The following DEK variants were observed in gnomAD, a reference collection of about 807,000 sequenced individuals.
DEK encodes DEK proto-oncogene, also known as protein DEK.
DEK carries 28 observed loss-of-function variants against 46.8 expected under a neutral mutation model. The observed-to-expected ratio is 0.60, with a 90% CI of 0.44 to 0.82. DEK has a LOEUF of 0.82. DEK is among the 40% of genes least tolerant of loss of function. The pLI, the probability that DEK is intolerant of heterozygous loss-of-function variation, is 0.00. For missense variants in DEK, 416 were observed against 430.6 expected, an observed-to-expected ratio of 0.97 and a Z score of 0.30; for synonymous variants, 160 against 144.5, an observed-to-expected ratio of 1.11 and a Z score of -0.77.
intron 9 of DEK, among the ~76,000 whole-genome samples, chr6:18,233,539 A>G (rs1790503082): frequency 6.6e-6 from 1 of 152,240 alleles, no homozygotes; most frequent in Admixed American, 6.5e-5. Context: ...TGGGCAAAGG[A>G]TATGAACAGA....
rs111391600 is a variant in DEK at position 18,238,924 on chromosome 6, G to GT, written c.763-1409dup. Among the ~76,000 whole-genome samples the GT allele has an allele frequency of 3.1e-3, 457 of 147,064 alleles. 1 individual carries two copies. Among genetic ancestry groups the GT allele is most frequent in the South Asian group, 5.3e-3 (25 of 4,682 alleles). ...CTGAGAGTTATCCTAAAGCAACCTG[G>GT]TTTTTTTTTTTGAGATGGAGTCTCG... On this transcript the variant is annotated intron_variant, in intron 7 of 10. Coordinates refer to ENST00000652689, the MANE Select transcript of DEK (RefSeq NM_003472.4).
Position 18,252,509 on chromosome 6 carries a change from CAAAAAAAAAAAA to C in DEK, c.574-2682_574-2671del, listed in dbSNP as rs61626818. Among the ~76,000 whole-genome samples, 82 of 29,138 alleles carry C rather than the reference CAAAAAAAAAAAA, an allele frequency of 2.8e-3. 1 individual carries two copies. The highest frequency in any genetic ancestry group is 6.2e-3 in the African/African-American group (53 of 8,602). 19.1% of individuals were successfully genotyped at this position (29,138 alleles called of 152,430 possible). On this transcript the variant is annotated intron_variant, in intron 6 of 10. Transcript: ENST00000652689. ...AGGCAACAGAGTAAAACGCTGTCTCCAAAAAAAAAAAAAAAAAAAAAAAAAAGAAAATAGCCT... is the reference window on the plus strand; with the variant it reads ...AGGCAACAGAGTAAAACGCTGTCTCCAAAAAAAAAAAAAAGAAAATAGCCT...
intron 7 of DEK, 42 bp from the exon 8 acceptor site, chr6:18,237,558 C>T (rs911511828): frequency 1.3e-6 from 2 of 1,568,458 alleles, no homozygotes; most frequent in African/African-American, 1.4e-5. Flanking sequence ...TGATGAGATT[C>T]AATGCTATCC....
chr6:18,228,756 C>T (rs1790254811), intron 9 of DEK, among the ~76,000 whole-genome samples: 1 of 152,230 alleles, frequency 6.6e-6, no homozygotes. Context: ...AGTCCCACGC[C>T]CACGGAGCCT....
At chr6:18,231,658 T>C (rs1790418392) in intron 9 of DEK, among the ~76,000 whole-genome samples, 1 of 152,140 alleles carries the variant, frequency 6.6e-6, no homozygotes, top group Admixed American at 6.5e-5. Context: ...CTCCCAAGAC[T>C]AAACCAGGAA....
intron 7 of DEK, among the ~76,000 whole-genome samples, chr6:18,238,193 T>A (rs1419950033): frequency 6.6e-6 from 1 of 152,050 alleles, no homozygotes; most frequent in Non-Finnish European, 1.5e-5. Context: ...CACTGATGTT[T>A]CCCTAACTCC....
At chr6:18,231,901 G>A (rs1019839303) in intron 9 of DEK, among the ~76,000 whole-genome samples, 1 of 152,140 alleles carries the variant, frequency 6.6e-6, no homozygotes, top group African/African-American at 2.4e-5. Flanking sequence ...GCCTGGCAGA[G>A]AGACAACAAA....
chr6:18,249,501 G>T, intron 7 of DEK, 150 bp downstream of exon 7: 1 of 1,195,714 alleles, frequency 8.4e-7, no homozygotes, highest in South Asian at 2.5e-5. Context: ...GCTCTTTAAG[G>T]AAAAGAAATG....
chr6:18,230,809 T>A (rs1790383096), intron 9 of DEK, among the ~76,000 whole-genome samples: 1 of 152,122 alleles, frequency 6.6e-6, no homozygotes, highest in Admixed American at 6.6e-5. Flanking sequence ...GCAACATTAG[T>A]CAGATCAGTG....
Position 18,224,978 on chromosome 6 carries a change from C to T in DEK, c.*741G>A, listed in dbSNP as rs1790044224. 1 of 217,450 alleles carries T rather than the reference C, an allele frequency of 4.6e-6. No individual in the cohort carries two copies. Among genetic ancestry groups the T allele is most frequent in the South Asian group, 1.9e-4 (1 of 5,388 alleles). 13.5% of individuals were successfully genotyped at this position (217,450 alleles called of 1,614,324 possible). A position where few individuals can be genotyped will look rare whatever the true frequency, so the allele number is the denominator to read the frequency against. On this transcript the variant is annotated 3_prime_UTR_variant, in exon 11 of 11. Transcript: ENST00000652689. Reference sequence around the variant, plus strand: ...AGGGTAACTGTTCCTTCAGTGTTGCCATCACTGAATTGACTTTCACTGTTC... The same window carrying T: ...AGGGTAACTGTTCCTTCAGTGTTGCTATCACTGAATTGACTTTCACTGTTC...
chr6:18,259,430 A>AAAAAAAAAATAAAT (rs1554162685), intron 2 of DEK, among the ~76,000 whole-genome samples: 1 of 96,740 alleles, frequency 1.0e-5, no homozygotes, highest in Non-Finnish European at 2.4e-5. Context: ...AAAAAAAAAA[A>AAAAAAAAAATAAAT]AAATCTAGAA....
chr6:18,235,906 G>T (rs1285465638), intron 9 of DEK, among the ~76,000 whole-genome samples: 1 of 152,054 alleles, frequency 6.6e-6, no homozygotes, highest in Non-Finnish European at 1.5e-5. Flanking sequence ...TTCACTTTTG[G>T]TACATTCCAA....
Position 18,237,524 on chromosome 6 carries a change from A to G in DEK, c.763-8T>C, listed in dbSNP as rs1420908635. ...GGCTGTCTTTTTTGGTGGCTGTTAC[A>G]AAAGAAAGTAAAAGTACACATATTG... On this transcript the variant is annotated splice_polypyrimidine_tract_variant and splice_region_variant and intron_variant, in intron 7 of 10. Transcript: ENST00000652689. 11 of 1,596,574 alleles carry G rather than the reference A, an allele frequency of 6.9e-6. No individual in the cohort carries two copies. The highest frequency in any genetic ancestry group is 9.4e-6 in the Non-Finnish European group (11 of 1,175,302).
At chr6:18,231,179 C>A (rs569438392) in intron 9 of DEK, among the ~76,000 whole-genome samples, 1 of 151,984 alleles carries the variant, frequency 6.6e-6, no homozygotes, top group Non-Finnish European at 1.5e-5. Flanking sequence ...ATGAGAAAAA[C>A]GACACAACAT....
At position 18,225,648 on chromosome 6, in the gene DEK, C is replaced by T. The variant is rs1790082544; in HGVS notation, c.*71G>A. ...GGATTTAGAAAAGGAAATACATTCT[C>T]TTTGCTGGTATAATGGTATAAATCA... On this transcript the variant is annotated 3_prime_UTR_variant, in exon 11 of 11. Coordinates refer to ENST00000652689, the MANE Select transcript of DEK (RefSeq NM_003472.4). 6 of 1,524,310 alleles carry T rather than the reference C, an allele frequency of 3.9e-6. No homozygotes were observed. The South Asian group carries it at 4.9e-5, about 12-fold the overall frequency. 94.4% of individuals were successfully genotyped at this position (1,524,310 alleles called of 1,614,324 possible).
chr6:18,258,430 A>C (rs1230720567), intron 2 of DEK, 25 bp from the exon 3 acceptor site: 1 of 1,555,162 alleles, frequency 6.4e-7, no homozygotes, highest in Non-Finnish European at 8.8e-7. Context: ...AGTATTTCTT[A>C]ATTAACAAAA....
chr6:18,240,652 A>C (rs1371311016), intron 7 of DEK, among the ~76,000 whole-genome samples: 4 of 152,172 alleles, frequency 2.6e-5, no homozygotes, highest in Admixed American at 2.6e-4. Context: ...CAATAACTTA[A>C]ACTTTCTAAG....
intron 7 of DEK, among the ~76,000 whole-genome samples, chr6:18,238,637 C>T (rs1444706089): frequency 6.9e-6 from 1 of 144,304 alleles, no homozygotes; most frequent in Non-Finnish European, 1.5e-5. Flanking sequence ...ATGGAGGTTG[C>T]AGTGAGTGGA....
At chr6:18,253,073 G>A (rs923787786) in intron 6 of DEK, among the ~76,000 whole-genome samples, 1 of 151,688 alleles carries the variant, frequency 6.6e-6, no homozygotes, top group African/African-American at 2.4e-5. Flanking sequence ...AGCTAAACAC[G>A]CTCCAAGCTC....
Sources: gnomAD v4.1 joint callset for allele counts (sites outside exome capture counted in the v4.1 genomes callset) on GRCh38, gnomAD v4.1.1 for gene constraint, MANE v1.5 for transcripts, NCBI Gene and HGNC (gene_info 2026-07-23, HGNC 2026-07-21) for gene names.